Variants in SLC35D4 observed in about 807,000 individuals in gnomAD.
The protein encoded by SLC35D4 is solute carrier family 35 member D4.
At chr18:23,347,427 A>C in the SLC35D4 span, among the ~76,000 whole-genome samples, 2 of 147,690 alleles carry the variant, frequency 1.4e-5, no homozygotes, top group Non-Finnish European at 3.0e-5. Flanking sequence ...CTTCTCTCCT[A>C]TCTCTCTCTC....
At chr18:23,434,017 C>T in the SLC35D4 span, among the ~76,000 whole-genome samples, 3 of 152,166 alleles carry the variant, frequency 2.0e-5, no homozygotes, top group African/African-American at 7.2e-5. Context: ...GGGGTGTCCA[C>T]TGCAGATTTC....
chr18:23,260,359 T>C, the SLC35D4 span: 1 of 152,310 alleles, frequency 6.6e-6, no homozygotes, highest in Admixed American at 6.5e-5. Context: ...CAAGCCACTC[T>C]GTACCACGTG....
At chr18:23,315,957 T>C in the SLC35D4 span, among the ~76,000 whole-genome samples, 5 of 152,264 alleles carry the variant, frequency 3.3e-5, no homozygotes, top group Non-Finnish European at 5.9e-5. Flanking sequence ...TTCTTCTATC[T>C]GCCATGCAAA....
the SLC35D4 span, among the ~76,000 whole-genome samples, chr18:23,242,151 G>A: frequency 1.2e-4 from 19 of 152,106 alleles, no homozygotes; most frequent in African/African-American, 4.3e-4. Flanking sequence ...AGTGGCAGGC[G>A]CCTGTAATCC....
At chr18:23,426,014 G>C in the SLC35D4 span, among the ~76,000 whole-genome samples, 2 of 149,330 alleles carry the variant, frequency 1.3e-5, no homozygotes, top group Non-Finnish European at 3.0e-5. Context: ...AAGGATTATA[G>C]AATAAATGAG....
At chr18:23,366,262 C>T in the SLC35D4 span, among the ~76,000 whole-genome samples, 1 of 152,138 alleles carries the variant, frequency 6.6e-6, no homozygotes, top group Non-Finnish European at 1.5e-5. Flanking sequence ...TGGCAATCTC[C>T]CATCGTCCTC....
At chr18:23,309,532 G>A in the SLC35D4 span, 10 of 596,342 alleles carry the variant, frequency 1.7e-5, no homozygotes, top group Admixed American at 3.0e-5. Context: ...TTTTTTTAAA[G>A]AAAGCTTCGC....
the SLC35D4 span, among the ~76,000 whole-genome samples, chr18:23,256,563 C>T: frequency 6.6e-6 from 1 of 152,192 alleles, no homozygotes; most frequent in Non-Finnish European, 1.5e-5. Flanking sequence ...TCACTGCAAC[C>T]TCCACCTCCC....
the SLC35D4 span, chr18:23,258,505 T>G: frequency 6.6e-6 from 1 of 152,170 alleles, no homozygotes; most frequent in Non-Finnish European, 1.5e-5. Flanking sequence ...AATGGTGACT[T>G]GTCCTGGCTT....
chr18:23,409,119 G>C, the SLC35D4 span, among the ~76,000 whole-genome samples: 1 of 151,302 alleles, frequency 6.6e-6, no homozygotes, highest in African/African-American at 2.4e-5. Context: ...TGGGCAACAA[G>C]AGTGAAACTC....
At chr18:23,346,252 G>A in the SLC35D4 span, among the ~76,000 whole-genome samples, 1 of 152,170 alleles carries the variant, frequency 6.6e-6, no homozygotes, top group Admixed American at 6.5e-5. Context: ...TCCTGCCTCA[G>A]CCTCTTGAGT....
chr18:23,309,819 A>G, the SLC35D4 span: 1 of 1,434,758 alleles, frequency 7.0e-7, no homozygotes, highest in East Asian at 2.3e-5. Flanking sequence ...TTTTTTCACA[A>G]GCTTAGCTCA....
the SLC35D4 span, among the ~76,000 whole-genome samples, chr18:23,333,674 C>T: frequency 2.6e-5 from 4 of 152,198 alleles, no homozygotes; most frequent in African/African-American, 4.8e-5. Flanking sequence ...GGAAAAAATA[C>T]GTTTTCACAG....
At chr18:23,401,223 G>C in the SLC35D4 span, among the ~76,000 whole-genome samples, 664 of 152,274 alleles carry the variant, frequency 4.4e-3, 9 homozygotes, top group African/African-American at 0.015. Flanking sequence ...AGAAGAGCTG[G>C]TAAATGGCAA....
At chr18:23,427,098 A>C in the SLC35D4 span, among the ~76,000 whole-genome samples, 1 of 152,230 alleles carries the variant, frequency 6.6e-6, no homozygotes, top group Non-Finnish European at 1.5e-5. Flanking sequence ...CATTCAGGAC[A>C]TAGGCATGGG....
At chr18:23,274,952 T>C in the SLC35D4 span, among the ~76,000 whole-genome samples, 1 of 151,960 alleles carries the variant, frequency 6.6e-6, no homozygotes, top group Non-Finnish European at 1.5e-5. Flanking sequence ...TGTGAGTGTA[T>C]ATGTGTGCTT....
chr18:23,409,361 A>T, the SLC35D4 span, among the ~76,000 whole-genome samples: 1 of 152,190 alleles, frequency 6.6e-6, no homozygotes, highest in Non-Finnish European at 1.5e-5. Flanking sequence ...TTCACTTCAC[A>T]TCTTTCCATG....
chr18:23,329,254 T>C, the SLC35D4 span, among the ~76,000 whole-genome samples: 1 of 152,102 alleles, frequency 6.6e-6, no homozygotes, highest in African/African-American at 2.4e-5. Context: ...GAAAATACCA[T>C]CAGAGTGAAC....
chr18:23,429,039 C>T, the SLC35D4 span, among the ~76,000 whole-genome samples: 1 of 152,376 alleles, frequency 6.6e-6, no homozygotes, highest in East Asian at 1.9e-4. Flanking sequence ...TTTACGGCTG[C>T]ATAGTATTCC....
Sources: gnomAD v4.1 joint callset for allele counts (sites outside exome capture counted in the v4.1 genomes callset) on GRCh38, gnomAD v4.1.1 for gene constraint, MANE v1.5 for transcripts, NCBI Gene and HGNC (gene_info 2026-07-23, HGNC 2026-07-21) for gene names.